The following GRID2 variants were observed in gnomAD, a reference collection of about 807,000 sequenced individuals.
The protein encoded by GRID2 is glutamate receptor ionotropic, delta-2.
GRID2 carries 33 observed loss-of-function variants against 114.8 expected under a neutral mutation model. The ratio of observed to expected loss-of-function variants is 0.29; its 90% CI spans 0.22 to 0.38. The LOEUF is 0.38. GRID2 is among the 10% of genes least tolerant of loss of function. The pLI, the probability that GRID2 is intolerant of heterozygous loss-of-function variation, is 1.00. For missense variants in GRID2, 1,184 were observed against 1,257.7 expected (o/e 0.94, Z 0.89); for synonymous variants, 505 against 449.9 (o/e 1.12, Z -1.55).
At chr4:93,053,354 C>A (rs1726907644) in intron 2 of GRID2, among the ~76,000 whole-genome samples, 1 of 151,702 alleles carries the variant, frequency 6.6e-6, no homozygotes, top group Non-Finnish European at 1.5e-5. Context: ...TTTTTGAAGT[C>A]TTGTTTTGTG....
chr4:93,291,765 G>T (rs930410213), intron 8 of GRID2, among the ~76,000 whole-genome samples: 1 of 152,044 alleles, frequency 6.6e-6, no homozygotes, highest in East Asian at 1.9e-4. Context: ...GTGTGTGCAC[G>T]TGTTTTCTTT....
At chr4:92,907,095 T>C (rs1398469099) in intron 2 of GRID2, among the ~76,000 whole-genome samples, 2 of 152,218 alleles carry the variant, frequency 1.3e-5, no homozygotes, top group Non-Finnish European at 2.9e-5. Context: ...GTTTTTATAG[T>C]ACTTCCTTAA....
intron 1 of GRID2, among the ~76,000 whole-genome samples, chr4:92,370,418 G>A (rs1729064918): frequency 6.6e-6 from 1 of 152,098 alleles, no homozygotes; most frequent in Non-Finnish European, 1.5e-5. Context: ...TTGGGAGGCT[G>A]AGGCGGGCGG....
chr4:93,329,288 G>A (rs1758182110), intron 8 of GRID2, among the ~76,000 whole-genome samples: 1 of 152,084 alleles, frequency 6.6e-6, no homozygotes, highest in Non-Finnish European at 1.5e-5. Context: ...GAAGACATTT[G>A]TCGCTATACT....
chr4:93,610,817 T>C (rs1740801961), intron 13 of GRID2, among the ~76,000 whole-genome samples: 1 of 118,000 alleles, frequency 8.5e-6, no homozygotes, highest in Non-Finnish European at 1.7e-5. Flanking sequence ...ATCAGAATGA[T>C]GCTGGCCTCA....
chr4:92,382,129 A>G (rs770585792), intron 1 of GRID2, among the ~76,000 whole-genome samples: 4 of 152,008 alleles, frequency 2.6e-5, no homozygotes, highest in Non-Finnish European at 4.4e-5. Flanking sequence ...CGAGATTGAT[A>G]TTAAAGATTT....
At position 92,724,395 on chromosome 4, in the gene GRID2, A is replaced by G. The variant is rs115414952; in HGVS notation, c.244+134109A>G. ...GAATACGCCTAGGTTAGCATACTGC[A>G]GCTCTATCATGTTCATCTCACTCTT... On this transcript the variant is annotated intron_variant, in intron 2 of 15. Transcript: ENST00000282020. Among the ~76,000 whole-genome samples, 1,517 of 152,296 alleles carry G rather than the reference A, an allele frequency of 1.0e-2. 23 individuals are homozygous for G. Among genetic ancestry groups the G allele is most frequent in the African/African-American group, 0.035 (1,455 of 41,568 alleles).
intron 2 of GRID2, among the ~76,000 whole-genome samples, chr4:92,593,621 A>G (rs376812912): frequency 3.2e-4 from 48 of 151,922 alleles, no homozygotes; most frequent in African/African-American, 1.1e-3. Context: ...TAATTTTGTC[A>G]GTATTTGGTA....
chr4:92,651,492 G>C (rs1350906116), intron 2 of GRID2, among the ~76,000 whole-genome samples: 1 of 151,966 alleles, frequency 6.6e-6, no homozygotes, highest in Non-Finnish European at 1.5e-5. Context: ...CTATATAATA[G>C]GTCATACTAT....
chr4:92,422,267 A>C (rs1181969115), intron 1 of GRID2, among the ~76,000 whole-genome samples: 1 of 152,072 alleles, frequency 6.6e-6, no homozygotes, highest in Admixed American at 6.6e-5. Flanking sequence ...AGTGAAATGG[A>C]GAGTTCTAGG....
intron 1 of GRID2, among the ~76,000 whole-genome samples, chr4:92,306,504 A>G (rs1421197440): frequency 2.0e-5 from 3 of 152,240 alleles, no homozygotes; most frequent in East Asian, 1.9e-4. Flanking sequence ...GAATGCAGAT[A>G]TATAATCATA....
chr4:93,498,043 A>C (rs1329373102), intron 12 of GRID2, among the ~76,000 whole-genome samples: 1 of 151,844 alleles, frequency 6.6e-6, no homozygotes, highest in African/African-American at 2.4e-5. Flanking sequence ...ATGTTTTGTT[A>C]GATTTGTGCC....
intron 2 of GRID2, among the ~76,000 whole-genome samples, chr4:93,066,336 T>G (rs886454010): frequency 6.6e-6 from 1 of 152,008 alleles, no homozygotes. Context: ...AATAGACCAT[T>G]ATTTGATGAG....
chr4:93,374,205 G>A (rs752736820), intron 8 of GRID2, among the ~76,000 whole-genome samples: 57 of 152,160 alleles, frequency 3.7e-4, no homozygotes, highest in African/African-American at 1.3e-3. Context: ...CCTAAAAAAG[G>A]CAATAATATG....
chr4:92,368,421 C>G (rs146808548), intron 1 of GRID2, among the ~76,000 whole-genome samples: 6 of 152,012 alleles, frequency 3.9e-5, no homozygotes, highest in African/African-American at 1.4e-4. Flanking sequence ...AGACTCCTTG[C>G]GCTGTCTCAT....
intron 11 of GRID2, among the ~76,000 whole-genome samples, chr4:93,468,799 G>A (rs2149431234): frequency 6.6e-6 from 1 of 152,160 alleles, no homozygotes; most frequent in African/African-American, 2.4e-5. Context: ...GGGAGGCATT[G>A]ACAAACTTTT....
intron 4 of GRID2, among the ~76,000 whole-genome samples, chr4:93,124,396 G>C (rs976340065): frequency 3.3e-5 from 5 of 152,154 alleles, no homozygotes; most frequent in African/African-American, 1.2e-4. Context: ...AAATAAATTA[G>C]CAATTTATAT....
intron 2 of GRID2, among the ~76,000 whole-genome samples, chr4:92,976,141 C>T (rs1371914267): frequency 6.6e-6 from 1 of 151,950 alleles, no homozygotes. Flanking sequence ...ATTTAGAAGA[C>T]ACTATAAATA....
intron 10 of GRID2, among the ~76,000 whole-genome samples, chr4:93,426,979 G>C (rs1768913257): frequency 6.6e-6 from 1 of 152,112 alleles, no homozygotes; most frequent in Non-Finnish European, 1.5e-5. Flanking sequence ...GGAGTAGATA[G>C]AGAGATTAAA....
Sources: gnomAD v4.1 joint callset for allele counts (sites outside exome capture counted in the v4.1 genomes callset) on GRCh38, gnomAD v4.1.1 for gene constraint, MANE v1.5 for transcripts, NCBI Gene and HGNC (gene_info 2026-07-23, HGNC 2026-07-21) for gene names.